Variants in EFR3A observed in about 807,000 individuals in gnomAD.
The protein encoded by EFR3A is EFR3 homolog A.
In EFR3A, 76 loss-of-function variants were observed where a neutral mutation model predicts 104.4. That is an observed-to-expected ratio of 0.73 (90% confidence interval 0.60 to 0.88). The LOEUF (loss-of-function observed/expected upper bound fraction) is 0.88, where lower values mean the gene tolerates loss of function less well. Among genes scored for constraint, EFR3A ranks in the 40% least tolerant of loss-of-function variants. EFR3A has a pLI of 0.00. For missense variants in EFR3A, 985 were observed against 1,012.5 expected, an observed-to-expected ratio of 0.97 and a Z score of 0.37; for synonymous variants, 330 against 330.0, an observed-to-expected ratio of 1.00 and a Z score of 0.00.
chr8:131,946,368 G>T (rs954310335), intron 3 of EFR3A, 115 bp from the exon 4 acceptor site: 33 of 991,932 alleles, frequency 3.3e-5, no homozygotes, highest in Non-Finnish European at 4.2e-5. Flanking sequence ...TACTAAATTT[G>T]CATTTCTTTC....
At position 131,979,402 on chromosome 8, in the gene EFR3A, A is replaced by G; in HGVS notation, c.1556A>G (p.Asp519Gly). 2 of 1,564,068 alleles carry G rather than the reference A, an allele frequency of 1.3e-6. No individual in the cohort carries two copies. The highest frequency in any genetic ancestry group is 1.7e-6 in the Non-Finnish European group (2 of 1,152,584). Residue 519 changes from aspartate (D) to glycine (G), a missense_variant, in exon 14 of 23, where the codon GAC (aspartate) becomes GGC (glycine). By Grantham distance (94) the Asp-to-Gly change is moderately conservative. Transcript: ENST00000254624. Reference protein sequence around the residue: ...KIKREKICRQDTSFMKKNGQQ... With the variant: ...KIKREKICRQGTSFMKKNGQQ... ...AAAAGAGAAAAAATTTGCAGACAAGACACAAGTTTCATGAAAAAGGTAAGA... is the reference window on the plus strand; with the variant it reads ...AAAAGAGAAAAAATTTGCAGACAAGGCACAAGTTTCATGAAAAAGGTAAGA...
intron 1 of EFR3A, among the ~76,000 whole-genome samples, chr8:131,918,533 T>C (rs925027693): frequency 1.3e-5 from 2 of 152,228 alleles, no homozygotes; most frequent in African/African-American, 4.8e-5. Context: ...TATGTTGCTA[T>C]CTTCAAATGT....
In EFR3A at chr8:131,904,139, C is replaced by T. The variant is rs1816114203; in HGVS notation, c.-174C>T. 3 of 698,200 alleles carry T rather than the reference C, an allele frequency of 4.3e-6. No homozygotes were observed. 43.3% of individuals were successfully genotyped at this position (698,200 alleles called of 1,614,324 possible). A position where few individuals can be genotyped will look rare whatever the true frequency, so the allele number is the denominator to read the frequency against. On this transcript the variant is annotated 5_prime_UTR_variant, in exon 1 of 23. Transcript: ENST00000254624. ...GGAGTGGGCTGGCGGCGGTAGCTGT[C>T]GCCCGCTTGGTTGCGTGACCGCGGG...
intron 10 of EFR3A, among the ~76,000 whole-genome samples, chr8:131,972,964 G>A (rs945246159): frequency 6.6e-6 from 1 of 151,076 alleles, no homozygotes; most frequent in African/African-American, 2.4e-5. Context: ...GCGTACACCA[G>A]TTCTTGTACT....
intron 8 of EFR3A, among the ~76,000 whole-genome samples, chr8:131,962,117 A>G (rs1315779694): frequency 3.9e-5 from 6 of 152,258 alleles, no homozygotes; most frequent in African/African-American, 1.4e-4. Context: ...GCCAAATTGT[A>G]AAGACCATCG....
intron 18 of EFR3A, among the ~76,000 whole-genome samples, chr8:131,991,559 A>G (rs1821183996): frequency 6.6e-6 from 1 of 152,160 alleles, no homozygotes; most frequent in Admixed American, 6.6e-5. Flanking sequence ...GTTAGGAGAT[A>G]GGACTGGGTT....
chr8:132,004,038 A>G (rs761806818), intron 22 of EFR3A, among the ~76,000 whole-genome samples: 2 of 152,194 alleles, frequency 1.3e-5, no homozygotes, highest in Non-Finnish European at 2.9e-5. Context: ...TTATATTAAT[A>G]TTAGAGACAG....
chr8:131,976,257 A>G (rs949392107), intron 11 of EFR3A, 116 bp downstream of exon 11: 7 of 700,008 alleles, frequency 1.0e-5, no homozygotes, highest in Admixed American at 5.7e-5. Flanking sequence ...TAGCATTCCT[A>G]TGGAAAGCAG....
chr8:131,925,945 T>A (rs1325413436), intron 1 of EFR3A, among the ~76,000 whole-genome samples: 2 of 152,270 alleles, frequency 1.3e-5, no homozygotes, highest in East Asian at 3.9e-4. Context: ...CTAGATTATT[T>A]TATTTTAATG....
At chr8:131,954,075 C>T (rs896554299) in intron 6 of EFR3A, 108 bp downstream of exon 6, 8 of 1,116,172 alleles carry the variant, frequency 7.2e-6, no homozygotes, top group East Asian at 2.8e-5. Context: ...ACAGTAGTCT[C>T]GTAAAGTTAA....
At chr8:131,970,372 C>T (rs1372115458) in intron 9 of EFR3A, 104 bp from the exon 10 acceptor site, 1 of 1,068,824 alleles carries the variant, frequency 9.4e-7, no homozygotes, top group Non-Finnish European at 1.3e-6. Context: ...GGATTTCTGA[C>T]TATTTAGAAA....
Position 131,969,560 on chromosome 8 carries a change from G to A in EFR3A, c.992-916G>A, listed in dbSNP as rs191798187. On this transcript the variant is annotated intron_variant, in intron 9 of 22. Coordinates refer to ENST00000254624, the MANE Select transcript of EFR3A (RefSeq NM_015137.6). ...TTATCGTGGGTTTTTTTTTTCCCCC[G>A]AATATTTTCAACCCATAGTTGGTTG... is the stretch of plus-strand genomic sequence containing the variant. Among the ~76,000 whole-genome samples the A allele has an allele frequency of 3.0e-3, 434 of 146,526 alleles. 3 individuals carry two copies. Among genetic ancestry groups the A allele is most frequent in the Admixed American group, 0.02 (295 of 14,536 alleles).
At chr8:131,994,936 G>A (rs1328225947) in intron 18 of EFR3A, among the ~76,000 whole-genome samples, 1 of 152,098 alleles carries the variant, frequency 6.6e-6, no homozygotes, top group Non-Finnish European at 1.5e-5. Flanking sequence ...ACCTGGGTGA[G>A]TACATTCTTT....
chr8:132,008,647 A>G (rs748880284), intron 22 of EFR3A, among the ~76,000 whole-genome samples: 31 of 151,874 alleles, frequency 2.0e-4, no homozygotes, highest in Non-Finnish European at 3.5e-4. Context: ...AGTGATGGAG[A>G]TCAGAACATA....
intron 18 of EFR3A, among the ~76,000 whole-genome samples, chr8:131,993,607 G>T (rs12682582): frequency 0.33 from 50,793 of 151,636 alleles, 8,875 homozygotes; most frequent in East Asian, 0.61. Context: ...TAGAAAGATG[G>T]AGCATAGGCT....
intron 1 of EFR3A, among the ~76,000 whole-genome samples, chr8:131,912,550 C>T (rs1465241575): frequency 2.6e-5 from 4 of 152,098 alleles, no homozygotes; most frequent in Non-Finnish European, 5.9e-5. Flanking sequence ...AATATGTTAT[C>T]AAATACGCAA....
chr8:132,011,126 C>T lies in EFR3A; in HGVS notation c.*231C>T. 8.4e-7 allele frequency: 1 copy of T among 1,190,910 alleles called. No individual in the cohort carries two copies. Among genetic ancestry groups the T allele is most frequent in the South Asian group, 3.5e-5 (1 of 28,266 alleles). The allele number at this position is 1,190,910 out of a possible 1,614,324, so 73.8% of individuals were successfully genotyped here. A position where few individuals can be genotyped will look rare whatever the true frequency, so the allele number is the denominator to read the frequency against. On this transcript the variant is annotated 3_prime_UTR_variant, in exon 23 of 23. Coordinates refer to ENST00000254624, the MANE Select transcript of EFR3A (RefSeq NM_015137.6). ...TTAATTTGCTTTGAGGTTCCTGTTG[C>T]CTTTTTAAGTTGAACATGTTTTGGT... is the stretch of plus-strand genomic sequence containing the variant.
At chr8:131,951,944 C>T (rs1035340391) in intron 5 of EFR3A, among the ~76,000 whole-genome samples, 1 of 152,128 alleles carries the variant, frequency 6.6e-6, no homozygotes, top group Non-Finnish European at 1.5e-5. Flanking sequence ...TTAGAGAAAT[C>T]ATCAGTCCCT....
intron 18 of EFR3A, among the ~76,000 whole-genome samples, chr8:131,993,928 T>C (rs1246125073): frequency 6.6e-6 from 1 of 151,794 alleles, no homozygotes. Flanking sequence ...CTGGGACCTG[T>C]TGGAGGGTGG....
Sources: allele counts gnomAD v4.1 joint callset (sites outside exome capture counted in the v4.1 genomes callset), GRCh38; gene constraint gnomAD v4.1.1; transcripts MANE v1.5; gene names NCBI Gene and HGNC (gene_info 2026-07-23, HGNC 2026-07-21).